CORO2B: variants seen among roughly 807,000 people sequenced by gnomAD.
CORO2B encodes the protein coronin 2B.
In CORO2B, 26 loss-of-function variants were observed where a neutral mutation model predicts 58.8. The ratio of observed to expected loss-of-function variants is 0.44; its 90% CI spans 0.32 to 0.61. The LOEUF (loss-of-function observed/expected upper bound fraction) is 0.61, where lower values mean the gene tolerates loss of function less well. CORO2B is among the 20% of genes least tolerant of loss of function. The pLI is 0.04. For missense variants in CORO2B, 460 were observed against 645.1 expected (o/e 0.71, Z 3.11); for synonymous variants, 242 against 253.8 (o/e 0.95, Z 0.44).
At chr15:68,706,908 T>C (rs1487727282) in intron 3 of CORO2B, among the ~76,000 whole-genome samples, 2 of 152,118 alleles carry the variant, frequency 1.3e-5, no homozygotes, top group Non-Finnish European at 2.9e-5. Context: ...GATGGGGGTC[T>C]CACTGTGTTG....
intron 1 of CORO2B, chr15:68,616,495 G>A (rs1900361413): frequency 1.0e-6 from 1 of 976,228 alleles, no homozygotes; most frequent in Admixed American, 6.2e-5. Flanking sequence ...TGGCTTTACT[G>A]CCATGCTCCA....
rs368731773 is a variant in CORO2B at position 68,634,706 on chromosome 15, T to TA, written c.16-10453dup. 5.9e-5 allele frequency among the ~76,000 whole-genome samples: 9 copies of TA among 152,292 alleles called. No homozygotes were observed. The East Asian group carries it at 1.7e-3, about 29-fold the overall frequency. On this transcript the variant is annotated intron_variant, in intron 1 of 11. Coordinates refer to ENST00000261861, the MANE Select transcript of CORO2B (RefSeq NM_006091.5). ...TCAGAAACTGTGGGCCTCAGCAATC[T>TA]ATGTTTTCACAAGCCCACCGGGTAA...
At chr15:68,629,917 G>A (rs1566989630) in intron 1 of CORO2B, among the ~76,000 whole-genome samples, 1 of 152,180 alleles carries the variant, frequency 6.6e-6, no homozygotes, top group Non-Finnish European at 1.5e-5. Context: ...CCAGTAGAAA[G>A]AGTCCTTTAA....
intron 1 of CORO2B, among the ~76,000 whole-genome samples, chr15:68,603,279 T>C (rs1052926514): frequency 1.3e-5 from 2 of 152,050 alleles, no homozygotes; most frequent in East Asian, 1.9e-4. Context: ...AATAAATGAA[T>C]TGAATGAATG....
chr15:68,583,884 G>A (rs1454994516), intron 1 of CORO2B, among the ~76,000 whole-genome samples: 1 of 152,182 alleles, frequency 6.6e-6, no homozygotes, highest in African/African-American at 2.4e-5. Flanking sequence ...GCCCACTTGC[G>A]GGTGGGCAAG....
intron 1 of CORO2B, among the ~76,000 whole-genome samples, chr15:68,587,430 A>G (rs1423890797): frequency 6.6e-6 from 1 of 152,206 alleles, no homozygotes; most frequent in Non-Finnish European, 1.5e-5. Flanking sequence ...CTCCATGATC[A>G]GTATTTAACT....
At chr15:68,641,475 CAGA>C in intron 1 of CORO2B, 15 of 943,360 alleles carry the variant, frequency 1.6e-5, no homozygotes, top group African/African-American at 1.8e-5. Flanking sequence ...TGGGAGGAAG[CAGA>C]AGGAGCAGGG....
the CORO2B span, among the ~76,000 whole-genome samples, chr15:68,549,953 A>AAAAT: frequency 0.029 from 4,182 of 144,538 alleles, 138 homozygotes; most frequent in African/African-American, 0.077. Flanking sequence ...AAAATAAAAT[A>AAAAT]AAATAAATAA....
intron 8 of CORO2B, among the ~76,000 whole-genome samples, chr15:68,716,037 A>G (rs774504923): frequency 1.6e-4 from 25 of 152,140 alleles, no homozygotes; most frequent in Non-Finnish European, 2.9e-4. Context: ...GTCTGGTATT[A>G]TGGACAGGGC....
chr15:68,671,493 T>G (rs1401819271), intron 2 of CORO2B, among the ~76,000 whole-genome samples: 1 of 152,236 alleles, frequency 6.6e-6, no homozygotes, highest in Non-Finnish European at 1.5e-5. Flanking sequence ...TATAGCTGTG[T>G]TAATGTTCTG....
At chr15:68,704,001 C>G (rs1343333164) in intron 3 of CORO2B, among the ~76,000 whole-genome samples, 1 of 149,948 alleles carries the variant, frequency 6.7e-6, no homozygotes, top group African/African-American at 2.5e-5. Flanking sequence ...CGAGACCAAC[C>G]TGGGCAATAT....
At chr15:68,580,845 C>G (rs563044164) in intron 1 of CORO2B, among the ~76,000 whole-genome samples, 1 of 152,048 alleles carries the variant, frequency 6.6e-6, no homozygotes. Context: ...TCTTTTTGTG[C>G]GCGAGCTCAT....
At chr15:68,668,068 T>C (rs1296314925) in intron 2 of CORO2B, among the ~76,000 whole-genome samples, 3 of 152,182 alleles carry the variant, frequency 2.0e-5, no homozygotes, top group Non-Finnish European at 4.4e-5. Flanking sequence ...TGCCACTGAA[T>C]ACTCAGCAAC....
At chr15:68,639,688 C>T (rs1198263388) in intron 1 of CORO2B, among the ~76,000 whole-genome samples, 1 of 152,208 alleles carries the variant, frequency 6.6e-6, no homozygotes, top group Non-Finnish European at 1.5e-5. Flanking sequence ...TTGAACCCCC[C>T]CAGGGATGGG....
chr15:68,656,132 T>C (rs531977799), intron 2 of CORO2B, among the ~76,000 whole-genome samples: 2 of 151,352 alleles, frequency 1.3e-5, no homozygotes, highest in Non-Finnish European at 2.9e-5. Context: ...CTCATGTCCC[T>C]GACTGCTGCC....
At chr15:68,679,643 A>C (rs545125392) in intron 2 of CORO2B, among the ~76,000 whole-genome samples, 3 of 152,304 alleles carry the variant, frequency 2.0e-5, no homozygotes, top group African/African-American at 7.2e-5. Flanking sequence ...GGGAGGAAGG[A>C]ACTTGCTCAG....
chr15:68,695,183 A>G lies in CORO2B; in HGVS notation c.260A>G (p.Gln87Arg), dbSNP rs1596020572. The stretch of plus-strand genomic sequence containing the variant: ...AACTACCCCAAGGTCTGCGGCCACC[A>G]GGGCAATGTGCTGGATATCAAATGG... ...EPNYPKVCGH[Q>R]GNVLDIKWNP... Residue 87 changes from glutamine to arginine, a missense_variant, in exon 3 of 12, where the codon CAG becomes CGG. Coordinates refer to ENST00000261861, the MANE Select transcript of CORO2B (RefSeq NM_006091.5). The G allele has an allele frequency of 6.2e-6, 10 of 1,614,142 alleles. No individual in the cohort carries two copies. The highest frequency in any genetic ancestry group is 6.8e-6 in the Non-Finnish European group (8 of 1,180,020).
At chr15:68,591,471 G>A (rs1278076226) in intron 1 of CORO2B, among the ~76,000 whole-genome samples, 1 of 152,190 alleles carries the variant, frequency 6.6e-6, no homozygotes, top group Non-Finnish European at 1.5e-5. Flanking sequence ...CAAGAAGCTT[G>A]AGCTTCATTG....
At chr15:68,533,982 T>G in the CORO2B span, among the ~76,000 whole-genome samples, 1 of 151,972 alleles carries the variant, frequency 6.6e-6, no homozygotes, top group African/African-American at 2.4e-5. Flanking sequence ...GGCCCTAAAC[T>G]CTCCCTGACC....
Sources: gnomAD v4.1 joint callset for allele counts (sites outside exome capture counted in the v4.1 genomes callset) on GRCh38, gnomAD v4.1.1 for gene constraint, MANE v1.5 for transcripts, NCBI Gene and HGNC (gene_info 2026-07-23, HGNC 2026-07-21) for gene names.